The following EGFL7 variants were observed in gnomAD, a reference collection of about 807,000 sequenced individuals.
EGFL7 encodes the protein epidermal growth factor-like protein 7.
EGFL7 carries 48 observed loss-of-function variants against 37.1 expected under a neutral mutation model. The ratio of observed to expected loss-of-function variants is 1.29; its 90% confidence interval spans 1.03 to 1.65. The LOEUF is 1.65. EGFL7 is among the 40% of genes most tolerant of loss of function. The pLI, the probability that EGFL7 is intolerant of heterozygous loss-of-function variation, is 0.00. For missense variants in EGFL7, 384 were observed against 378.9 expected, an observed-to-expected ratio of 1.01 and a Z score of -0.11; for synonymous variants, 180 against 156.8, an observed-to-expected ratio of 1.15 and a Z score of -1.10.
intron 3 of EGFL7, chr9:136,665,757 GCCCCC>G (rs1845425113): frequency 6.8e-6 from 1 of 146,494 alleles, no homozygotes; most frequent in African/African-American, 2.5e-5. Flanking sequence ...GGGGCTCGGG[GCCCCC>G]ACGGCGCGGG....
chr9:136,671,029 GGGGGGGGGGGGGGCAGGCA>G lies in EGFL7; in HGVS notation c.636+17_636+35del, dbSNP rs1845831656. On this transcript the variant is annotated intron_variant, in intron 9 of 10. Coordinates refer to ENST00000308874, the MANE Select transcript of EGFL7 (RefSeq NM_016215.5). Reference sequence around the variant, plus strand: ...TGCTGGAGGAGGTGAGGCATTGGTGGGGGGGGGGGGGGGCAGGCAGTCCAGGGTGGACCTGCTGGAGGAG... The same window carrying G: ...TGCTGGAGGAGGTGAGGCATTGGTGGGTCCAGGGTGGACCTGCTGGAGGAG... 4.1e-5 allele frequency: 17 copies of G among 410,966 alleles called. No homozygotes were observed. Among genetic ancestry groups the G allele is most frequent in the Middle Eastern group, 8.4e-4 (1 of 1,196 alleles). The allele number at this position is 410,966 out of a possible 1,614,324, so 25.5% of individuals were successfully genotyped here.
intron 5 of EGFL7, among the ~76,000 whole-genome samples, chr9:136,669,186 A>G (rs188118469): frequency 1.1e-4 from 17 of 152,032 alleles, no homozygotes; most frequent in Admixed American, 2.0e-4. Flanking sequence ...TGGGAGCTCC[A>G]CCCCCTGCTG....
chr9:136,659,848 AG>A (rs1204604038), upstream of EGFL7, among the ~76,000 whole-genome samples: 1 of 152,186 alleles, frequency 6.6e-6, no homozygotes, highest in Non-Finnish European at 1.5e-5. Flanking sequence ...CAGACCTTCC[AG>A]TGCCCAGATG....
rs1198340484 is a variant in EGFL7 at position 136,666,831 on chromosome 9, C to T, written c.-42-1410C>T. ...AGACCCAGCCCCTAACAGTGTCCTT[C>T]ATCCAGGGCCCATCCCCAGAGTTAA... On this transcript the variant is annotated intron_variant, in intron 3 of 10. Coordinates refer to ENST00000308874, the MANE Select transcript of EGFL7 (RefSeq NM_016215.5). The surrounding 1 kb of genome is among the most constrained non-coding windows in gnomAD (Gnocchi z 6.8). Among the ~76,000 whole-genome samples, 1 of 152,196 alleles carries T rather than the reference C, an allele frequency of 6.6e-6. No homozygotes were observed. Among genetic ancestry groups the T allele is most frequent in the Non-Finnish European group, 1.5e-5 (1 of 68,044 alleles).
At position 136,671,914 on chromosome 9, in the gene EGFL7, C is replaced by A. The variant is rs1358776778; in HGVS notation, c.637-12C>A. The stretch of plus-strand genomic sequence containing the variant: ...GGGCCGGCCCAGGGTCACTGCCCTT[C>A]TGCACCCACAGAAGCTGCAGCTGGT... On this transcript the variant is annotated splice_polypyrimidine_tract_variant and intron_variant, in intron 9 of 10. Coordinates refer to ENST00000308874, the MANE Select transcript of EGFL7 (RefSeq NM_016215.5). 8 of 1,492,162 alleles carry A rather than the reference C, an allele frequency of 5.4e-6. No homozygotes were observed. The highest frequency in any genetic ancestry group is 7.1e-6 in the Non-Finnish European group (8 of 1,122,344). 92.4% of individuals were successfully genotyped at this position (1,492,162 alleles called of 1,614,324 possible). A position where few individuals can be genotyped will look rare whatever the true frequency, so the allele number is the denominator to read the frequency against.
intron 8 of EGFL7, chr9:136,670,545 C>T: frequency 2.5e-6 from 2 of 801,530 alleles, no homozygotes; most frequent in Admixed American, 3.5e-5. Flanking sequence ...GGCAGAAGTG[C>T]CCCGTCCCGG....
Position 136,666,373 on chromosome 9 carries a change from C to T in EGFL7, c.-43+1588C>T, listed in dbSNP as rs1259436448. On this transcript the variant is annotated intron_variant, in intron 3 of 10. Coordinates refer to ENST00000308874, the MANE Select transcript of EGFL7 (RefSeq NM_016215.5). This position sits in a 1 kb window ranked among gnomAD's most constrained non-coding sequence, Gnocchi z 6.8. ...CTCGCGGGTGGGGGCTGCGGGGCTG[C>T]TGCCGGGCAGGTGGGGAGGGAGCCC... Among the ~76,000 whole-genome samples the T allele has an allele frequency of 6.8e-6, 1 of 147,730 alleles. No homozygotes were observed. The highest frequency in any genetic ancestry group is 1.5e-5 in the Non-Finnish European group (1 of 66,744).
At chr9:136,670,677 G>A (rs375180868) in intron 8 of EGFL7, 7 of 772,304 alleles carry the variant, frequency 9.1e-6, no homozygotes, top group Non-Finnish European at 1.7e-5. Context: ...ATAATGCGCC[G>A]TCCACGGCAC....
At position 136,672,492 on chromosome 9, in the gene EGFL7, CCCCTGGCTACCCCCA is replaced by C. The variant is rs980845601; in HGVS notation, c.*220_*234del. 7.7e-5 allele frequency: 49 copies of C among 639,040 alleles called. No individual in the cohort carries two copies. Among genetic ancestry groups the C allele is most frequent in the Non-Finnish European group, 1.0e-4 (38 of 370,520 alleles). The allele number at this position is 639,040 out of a possible 1,614,324, so 39.6% of individuals were successfully genotyped here. On this transcript the variant is annotated 3_prime_UTR_variant, in exon 11 of 11. Transcript: ENST00000308874. ...GGCTGGGATCTTCTCTGTGAATCCACCCCTGGCTACCCCCACCCTGGCTACCCCAACGGCATCCCA... is the reference window on the plus strand; with the variant it reads ...GGCTGGGATCTTCTCTGTGAATCCACCCCTGGCTACCCCAACGGCATCCCA...
chr9:136,667,408 G>A lies in EGFL7; in HGVS notation c.-42-833G>A, dbSNP rs144010263. Among the ~76,000 whole-genome samples, 1,397 of 152,294 alleles carry A rather than the reference G, an allele frequency of 9.2e-3. 21 individuals are homozygous for A. The highest frequency in any genetic ancestry group is 0.031 in the African/African-American group (1,285 of 41,560). On this transcript the variant is annotated intron_variant, in intron 3 of 10. Coordinates refer to ENST00000308874, the MANE Select transcript of EGFL7 (RefSeq NM_016215.5). ...GCCAGGTCTCCAGACCCCTGGCTGC[G>A]CATAGGACAGAATCCCCATCCCCGG...
chr9:136,672,052 GAGC>G lies in EGFL7; in HGVS notation c.766_768del (p.Gln256del). ...GCTCGGCCGCATCGACTCCCTGAGC[GAGC>G]AGATTTCCTTCCTGGAGGAGCAGCT... On this transcript the variant is annotated inframe_deletion, in exon 10 of 11. Transcript: ENST00000308874. 6.5e-7 allele frequency: 1 copy of G among 1,546,212 alleles called. No homozygotes were observed. Among genetic ancestry groups the G allele is most frequent in the Non-Finnish European group, 8.7e-7 (1 of 1,147,066 alleles).
upstream of EGFL7, chr9:136,659,572 C>G (rs553086600): frequency 6.6e-6 from 1 of 152,662 alleles, no homozygotes; most frequent in Non-Finnish European, 1.5e-5. Flanking sequence ...CCGGGAGGGC[C>G]CGGGGGGCTC....
intron 10 of EGFL7, 72 bp downstream of exon 10, chr9:136,672,160 T>A: frequency 6.3e-7 from 1 of 1,589,666 alleles, no homozygotes; most frequent in Admixed American, 1.8e-5. Flanking sequence ...CTACCCAGGC[T>A]TGGGGGTCGG....
In EGFL7 at chr9:136,670,312, G is replaced by T. The variant is rs1025857869; in HGVS notation, c.553G>T (p.Val185Leu). ...TGTGCCCAAGGGAGGGCCCCCCAGG[G>T]TGGCCCCCAACCCGACAGGTAAACA... Reference protein sequence around the residue: ...LCVPKGGPPRVAPNPTGVDSA... With the variant: ...LCVPKGGPPRLAPNPTGVDSA... Residue 185 changes from valine to leucine, a missense_variant, in exon 8 of 11, where the codon GTG becomes TTG. Val to Leu is a conservative substitution (Grantham distance 32, BLOSUM62 1). Coordinates refer to ENST00000308874, the MANE Select transcript of EGFL7 (RefSeq NM_016215.5). 16 of 1,587,158 alleles carry T rather than the reference G, an allele frequency of 1.0e-5. No individual in the cohort carries two copies. Among genetic ancestry groups the T allele is most frequent in the Non-Finnish European group, 1.3e-5 (15 of 1,164,056 alleles).
At chr9:136,664,116 G>A (rs12351645) in intron 2 of EGFL7, among the ~76,000 whole-genome samples, 62 of 152,304 alleles carry the variant, frequency 4.1e-4, no homozygotes, top group African/African-American at 1.2e-3. Context: ...GCTGCCCTGC[G>A]TGGGCTCAGG....
intron 9 of EGFL7, 103 bp from the exon 10 acceptor site, chr9:136,671,823 G>A: frequency 7.2e-7 from 1 of 1,381,688 alleles, no homozygotes; most frequent in South Asian, 1.6e-5. Context: ...GCGGAGGCGG[G>A]GGCTGGAGGC....
At chr9:136,670,787 G>A (rs970649868) in intron 8 of EGFL7, 163 bp from the exon 9 acceptor site, 18 of 747,574 alleles carry the variant, frequency 2.4e-5, no homozygotes, top group African/African-American at 2.1e-4. Context: ...GTACTTAGGC[G>A]GCATAGCCCT....
chr9:136,670,685 C>T, intron 8 of EGFL7: 1 of 773,152 alleles, frequency 1.3e-6, no homozygotes, highest in African/African-American at 1.7e-5. Flanking sequence ...CCGTCCACGG[C>T]ACCGCATCGA....
intron 8 of EGFL7, 99 bp from the exon 9 acceptor site, chr9:136,670,851 G>C: frequency 1.7e-6 from 2 of 1,195,906 alleles, no homozygotes; most frequent in South Asian, 1.4e-5. Flanking sequence ...GCCTGGGCCT[G>C]AGTCTTCTGG....
Sources: gnomAD v4.1 joint callset for allele counts (sites outside exome capture counted in the v4.1 genomes callset) on GRCh38, gnomAD v4.1.1 for gene constraint, Gnocchi (gnomAD v3.1) non-coding constraint, MANE v1.5 for transcripts, NCBI Gene and HGNC (gene_info 2026-07-23, HGNC 2026-07-21) for gene names.